The following SUSD1 variants were observed in gnomAD, a reference collection of about 807,000 sequenced individuals.
The protein encoded by SUSD1 is sushi domain containing 1, also known as sushi domain-containing protein 1.
In SUSD1, 65 loss-of-function variants were observed where a neutral mutation model predicts 86.9. The ratio of observed to expected loss-of-function variants is 0.75; its 90% confidence interval spans 0.61 to 0.92. The LOEUF (loss-of-function observed/expected upper bound fraction) is 0.92, where lower values mean the gene tolerates loss of function less well. Among genes scored for constraint, SUSD1 ranks in the 40% least tolerant of loss-of-function variants. The pLI is 0.00. For synonymous variants in SUSD1, 346 were observed against 350.0 expected (o/e 0.99, Z 0.13); for missense variants, 850 against 929.7 (o/e 0.91, Z 1.11).
intron 12 of SUSD1, among the ~76,000 whole-genome samples, chr9:112,063,390 C>T (rs949308203): frequency 6.6e-6 from 1 of 152,178 alleles, no homozygotes. Context: ...GTGAGGGTTG[C>T]ACAACATGCC....
chr9:112,118,321 T>C (rs1478531837), intron 6 of SUSD1, among the ~76,000 whole-genome samples: 1 of 152,194 alleles, frequency 6.6e-6, no homozygotes, highest in Non-Finnish European at 1.5e-5. Context: ...CTTCCCACAG[T>C]GCCTACTTGA....
intron 12 of SUSD1, among the ~76,000 whole-genome samples, chr9:112,075,366 C>G (rs551133514): frequency 1.3e-5 from 2 of 152,206 alleles, no homozygotes; most frequent in African/African-American, 4.8e-5. Flanking sequence ...AGACAAAAAT[C>G]ACTGTCTTCA....
chr9:112,066,612 G>A (rs1324487444), intron 12 of SUSD1, among the ~76,000 whole-genome samples: 2 of 152,158 alleles, frequency 1.3e-5, no homozygotes, highest in Non-Finnish European at 2.9e-5. Flanking sequence ...AACTCCCAAA[G>A]ATGGGACACC....
intron 2 of SUSD1, among the ~76,000 whole-genome samples, chr9:112,156,084 T>G (rs1362354970): frequency 1.3e-5 from 2 of 151,232 alleles, no homozygotes; most frequent in African/African-American, 4.9e-5. Context: ...GCAGCAAGGT[T>G]GCAGTGAGCT....
At chr9:112,103,075 C>A in intron 8 of SUSD1, 1 of 408,048 alleles carries the variant, frequency 2.5e-6, no homozygotes, top group Non-Finnish European at 4.9e-6. Flanking sequence ...TGCATGTTTT[C>A]TACCAATGAG....
At chr9:112,080,919 A>G (rs1289421855) in intron 10 of SUSD1, among the ~76,000 whole-genome samples, 2 of 152,178 alleles carry the variant, frequency 1.3e-5, no homozygotes, top group Non-Finnish European at 2.9e-5. Context: ...GTTTTTCATG[A>G]GGAAAAGAAT....
At chr9:112,138,342 C>CAT (rs1248738651) in intron 5 of SUSD1, among the ~76,000 whole-genome samples, 2 of 135,834 alleles carry the variant, frequency 1.5e-5, no homozygotes, top group African/African-American at 2.7e-5. Flanking sequence ...TGATGTATGG[C>CAT]ATTCTAAACA....
intron 2 of SUSD1, among the ~76,000 whole-genome samples, chr9:112,156,860 T>C (rs1372992118): frequency 1.3e-5 from 2 of 152,206 alleles, no homozygotes; most frequent in Non-Finnish European, 2.9e-5. Flanking sequence ...TATTGCAACA[T>C]TTACTATTGT....
In SUSD1 at chr9:112,164,301, G is replaced by A. The variant is rs559698589; in HGVS notation, c.104-6688C>T. 2.0e-4 allele frequency among the ~76,000 whole-genome samples: 31 copies of A among 152,328 alleles called. No homozygotes were observed. The South Asian group carries it at 6.0e-3, about 30-fold the overall frequency. On this transcript the variant is annotated intron_variant, in intron 1 of 16. Coordinates refer to ENST00000374270, the MANE Select transcript of SUSD1 (RefSeq NM_022486.5). The stretch of plus-strand genomic sequence containing the variant: ...GCACTGGACTTGAAAGCTAGTTAGA[G>A]CTGGATCCTAAATCTAGCTGAGTCT...
At chr9:112,172,178 G>A (rs868469009) in intron 1 of SUSD1, among the ~76,000 whole-genome samples, 27 of 141,496 alleles carry the variant, frequency 1.9e-4, no homozygotes, top group African/African-American at 2.4e-4. Context: ...CAGCCTGGGC[G>A]ACAGAGTGAG....
intron 10 of SUSD1, among the ~76,000 whole-genome samples, chr9:112,089,811 CAAAAAAAAAAAA>C (rs3983407): frequency 8.6e-6 from 1 of 115,956 alleles, no homozygotes; most frequent in Non-Finnish European, 1.9e-5. Flanking sequence ...GATTCCATCT[CAAAAAAAAAAAA>C]AAAAAAAAAG....
At chr9:112,082,713 TTTTTG>T (rs1243809003) in intron 10 of SUSD1, among the ~76,000 whole-genome samples, 2 of 151,856 alleles carry the variant, frequency 1.3e-5, no homozygotes. Flanking sequence ...TTGCTTTTAG[TTTTTG>T]TTTTGTTTTG....
At chr9:112,088,388 A>G (rs1830068014) in intron 10 of SUSD1, among the ~76,000 whole-genome samples, 1 of 152,254 alleles carries the variant, frequency 6.6e-6, no homozygotes, top group Non-Finnish European at 1.5e-5. Flanking sequence ...CAACTGAAAA[A>G]CTGAGAGGAA....
chr9:112,150,637 A>G (rs1170654372), intron 2 of SUSD1, among the ~76,000 whole-genome samples: 1 of 152,240 alleles, frequency 6.6e-6, no homozygotes, highest in African/African-American at 2.4e-5. Context: ...TAAATGGCAT[A>G]GCCAACTACA....
intron 6 of SUSD1, among the ~76,000 whole-genome samples, chr9:112,115,037 T>C (rs994656153): frequency 6.6e-6 from 1 of 152,184 alleles, no homozygotes; most frequent in African/African-American, 2.4e-5. Context: ...ATAAACCCAG[T>C]GAAAGGCTCC....
chr9:112,078,810 T>TA, intron 11 of SUSD1, 86 bp from the exon 12 acceptor site: 33 of 874,466 alleles, frequency 3.8e-5, no homozygotes, highest in Non-Finnish European at 4.5e-5. Context: ...TTTTTCTTTC[T>TA]CTTTTTTTTT....
chr9:112,143,800 T>C (rs1358093196), intron 3 of SUSD1, among the ~76,000 whole-genome samples, 177 bp from the exon 4 acceptor site: 1 of 152,226 alleles, frequency 6.6e-6, no homozygotes, highest in African/African-American at 2.4e-5. Flanking sequence ...TTCTCATATA[T>C]CGTTCATATC....
intron 10 of SUSD1, among the ~76,000 whole-genome samples, chr9:112,094,283 C>T (rs1830311306): frequency 6.6e-6 from 1 of 152,078 alleles, no homozygotes; most frequent in African/African-American, 2.4e-5. Context: ...ATTAGCTTGC[C>T]AAAATTCCAT....
At chr9:112,158,997 C>T (rs368232965) in intron 1 of SUSD1, among the ~76,000 whole-genome samples, 2 of 99,966 alleles carry the variant, frequency 2.0e-5, no homozygotes, top group Admixed American at 9.5e-5. Flanking sequence ...TTACCCTACT[C>T]ATTTTTTTTT....
Sources: allele counts gnomAD v4.1 joint callset (sites outside exome capture counted in the v4.1 genomes callset), GRCh38; gene constraint gnomAD v4.1.1; transcripts MANE v1.5; gene names NCBI Gene and HGNC (gene_info 2026-07-23, HGNC 2026-07-21).